The following DGKB variants were observed in gnomAD, a reference collection of about 807,000 sequenced individuals.
DGKB encodes the protein diacylglycerol kinase beta.
In DGKB, 67 loss-of-function variants were observed where a neutral mutation model predicts 114.3. The observed-to-expected ratio is 0.59, with a 90% CI of 0.48 to 0.72. The LOEUF is 0.72. Among genes scored for constraint, DGKB ranks in the 30% least tolerant of loss-of-function variants. DGKB has a pLI of 0.00. For missense variants in DGKB, 907 were observed against 975.2 expected, an observed-to-expected ratio of 0.93 and a Z score of 0.93; for synonymous variants, 398 against 323.1, an observed-to-expected ratio of 1.23 and a Z score of -2.49.
At chr7:14,928,829 C>T (rs1055053699) in intron 1 of DGKB, among the ~76,000 whole-genome samples, 1 of 151,880 alleles carries the variant, frequency 6.6e-6, no homozygotes, top group Admixed American at 6.6e-5. Flanking sequence ...CCCCCTCCTA[C>T]TCCCTCATCC....
intron 20 of DGKB, among the ~76,000 whole-genome samples, chr7:14,529,553 TA>T (rs1168302004): frequency 6.6e-6 from 1 of 151,832 alleles, no homozygotes; most frequent in Admixed American, 6.6e-5. Context: ...AAATGGATTC[TA>T]CATGAAAAAT....
At chr7:14,868,341 T>TTC (rs59690268) in intron 1 of DGKB, among the ~76,000 whole-genome samples, 1 of 6,420 alleles carries the variant, frequency 1.6e-4, no homozygotes, top group African/African-American at 5.2e-4. Flanking sequence ...TTCCTTTTCA[T>TTC]TTTTTTTTTT....
At chr7:14,664,270 C>T (rs563594096) in intron 13 of DGKB, among the ~76,000 whole-genome samples, 8 of 152,050 alleles carry the variant, frequency 5.3e-5, no homozygotes, top group South Asian at 4.2e-4. Flanking sequence ...ATGTTCTACT[C>T]TCTGCTACAG....
chr7:14,654,073 T>G (rs56292448), intron 13 of DGKB, among the ~76,000 whole-genome samples: 36,777 of 151,870 alleles, frequency 0.24, 7,075 homozygotes, highest in African/African-American at 0.51. Flanking sequence ...GGCATCCAAA[T>G]TGGAAAAGAG....
At chr7:14,467,327 T>C (rs1275613652) in intron 21 of DGKB, among the ~76,000 whole-genome samples, 1 of 150,904 alleles carries the variant, frequency 6.6e-6, no homozygotes, top group Non-Finnish European at 1.5e-5. Flanking sequence ...AGTTAATGCA[T>C]GTGTGAAATA....
rs960138790 is a variant in DGKB, at chr7:14,816,731, G to A, written c.70+24463C>T. On this transcript the variant is annotated intron_variant, in intron 2 of 25. Transcript: ENST00000402815. ...TTAACATGATTTTTTACATATGCACGAATTTAATTATTCCAATAGGATGAT... is the reference window on the plus strand; with the variant it reads ...TTAACATGATTTTTTACATATGCACAAATTTAATTATTCCAATAGGATGAT... Among the ~76,000 whole-genome samples, 6 of 152,260 alleles carry A rather than the reference G, an allele frequency of 3.9e-5. No homozygotes were observed. In the East Asian group the frequency reaches 7.7e-4, roughly 20 times the overall value.
At chr7:14,924,550 C>G (rs1484732011) in intron 1 of DGKB, among the ~76,000 whole-genome samples, 1 of 152,154 alleles carries the variant, frequency 6.6e-6, no homozygotes, top group East Asian at 1.9e-4. Flanking sequence ...TATTTTTCCT[C>G]TCCGAGCTGC....
intron 20 of DGKB, among the ~76,000 whole-genome samples, chr7:14,488,460 G>A (rs1049873127): frequency 6.6e-6 from 1 of 151,846 alleles, no homozygotes; most frequent in Non-Finnish European, 1.5e-5. Context: ...CTTCTACCAA[G>A]CAAATTCCAG....
At chr7:14,342,916 A>G (rs1285528017) in intron 22 of DGKB, among the ~76,000 whole-genome samples, 1 of 151,934 alleles carries the variant, frequency 6.6e-6, no homozygotes, top group Non-Finnish European at 1.5e-5. Flanking sequence ...TAAAACATGT[A>G]TCTATTGCTG....
chr7:14,268,222 C>CAT (rs1335471101), intron 23 of DGKB, among the ~76,000 whole-genome samples: 1 of 151,736 alleles, frequency 6.6e-6, no homozygotes, highest in African/African-American at 2.4e-5. Flanking sequence ...CACACACACA[C>CAT]ACACACACCA....
At chr7:14,742,695 A>G (rs191657090) in intron 4 of DGKB, among the ~76,000 whole-genome samples, 2 of 152,346 alleles carry the variant, frequency 1.3e-5, no homozygotes, top group East Asian at 1.9e-4. Flanking sequence ...TGCCTAGTAC[A>G]TAATTAAAAC....
In DGKB at chr7:14,666,340, G is replaced by C. The variant is rs1818019598; in HGVS notation, c.1134+6589C>G. Among the ~76,000 whole-genome samples the C allele has an allele frequency of 2.6e-5, 4 of 151,976 alleles. No individual in the cohort carries two copies. In the South Asian group the frequency reaches 8.3e-4, roughly 31 times the overall value. On this transcript the variant is annotated intron_variant, in intron 13 of 25. Transcript: ENST00000402815. Reference sequence around the variant, plus strand: ...AATTTAATTTAAGAGAAACTGAGAAGGGCTAAAACAACATAGACTACATCT... The same window carrying C: ...AATTTAATTTAAGAGAAACTGAGAACGGCTAAAACAACATAGACTACATCT...
chr7:14,586,434 G>A (rs1182938244), intron 17 of DGKB, among the ~76,000 whole-genome samples: 2 of 152,110 alleles, frequency 1.3e-5, no homozygotes, highest in Non-Finnish European at 1.5e-5. Flanking sequence ...GAAGCTTAAG[G>A]AAAGAAGCTG....
intron 20 of DGKB, among the ~76,000 whole-genome samples, chr7:14,528,069 A>G (rs942646461): frequency 3.9e-5 from 6 of 152,102 alleles, no homozygotes; most frequent in African/African-American, 1.4e-4. Flanking sequence ...TAACTTGCTG[A>G]AAAGTACAAG....
chr7:14,891,263 A>G (rs1230423143), intron 1 of DGKB, among the ~76,000 whole-genome samples: 1 of 151,478 alleles, frequency 6.6e-6, no homozygotes, highest in Non-Finnish European at 1.5e-5. Flanking sequence ...TACCTCTTTA[A>G]TAACGTAGAC....
At chr7:14,759,756 T>C (rs1052999905) in intron 2 of DGKB, among the ~76,000 whole-genome samples, 8 of 152,126 alleles carry the variant, frequency 5.3e-5, no homozygotes, top group African/African-American at 1.9e-4. Flanking sequence ...ATAATTCAAT[T>C]CTCTTGGCTA....
intron 23 of DGKB, among the ~76,000 whole-genome samples, chr7:14,240,124 A>C (rs1793425711): frequency 6.6e-6 from 1 of 152,126 alleles, no homozygotes; most frequent in South Asian, 2.1e-4. Flanking sequence ...CTTATCAATT[A>C]CATATTACCA....
intron 20 of DGKB, among the ~76,000 whole-genome samples, chr7:14,531,190 C>CTA (rs1791526806): frequency 6.6e-6 from 1 of 151,080 alleles, no homozygotes; most frequent in Non-Finnish European, 1.5e-5. Context: ...TCATTGGACG[C>CTA]TATAACTAAA....
intron 2 of DGKB, among the ~76,000 whole-genome samples, chr7:14,827,419 GGAGAGAGAGA>G (rs368228854): frequency 6.7e-6 from 1 of 149,640 alleles, no homozygotes; most frequent in African/African-American, 2.5e-5. Context: ...AGAAAGACAG[GGAGAGAGAGA>G]GAGAGAGACA....
Sources: allele counts gnomAD v4.1 joint callset (sites outside exome capture counted in the v4.1 genomes callset), GRCh38; gene constraint gnomAD v4.1.1; transcripts MANE v1.5; gene names NCBI Gene and HGNC (gene_info 2026-07-23, HGNC 2026-07-21).